The following NUDCD3 variants were observed in gnomAD, a reference collection of about 807,000 sequenced individuals.
NUDCD3 encodes the protein nudC domain-containing protein 3.
In NUDCD3, 13 loss-of-function variants were observed where a neutral mutation model predicts 39.7. The observed-to-expected ratio is 0.33, with a 90% CI of 0.21 to 0.52. The LOEUF is 0.52. Ranked by LOEUF, NUDCD3 falls within the 20% of genes least tolerant of loss-of-function variation. The pLI, the probability that NUDCD3 is intolerant of heterozygous loss-of-function variation, is 0.96. For synonymous variants in NUDCD3, 175 were observed against 172.4 expected, an observed-to-expected ratio of 1.02 and a Z score of -0.12; for missense variants, 453 against 458.1, an observed-to-expected ratio of 0.99 and a Z score of 0.10.
intron 2 of NUDCD3, among the ~76,000 whole-genome samples, chr7:44,432,252 A>G (rs1361157070): frequency 6.6e-6 from 1 of 152,216 alleles, no homozygotes; most frequent in Non-Finnish European, 1.5e-5. Flanking sequence ...ACTGCACTCC[A>G]GCCTAGATGA....
At chr7:44,415,222 C>A (rs1426953855) in intron 3 of NUDCD3, among the ~76,000 whole-genome samples, 1 of 152,188 alleles carries the variant, frequency 6.6e-6, no homozygotes, top group Non-Finnish European at 1.5e-5. Flanking sequence ...CATTCCAATT[C>A]TGTGATTCAA....
At chr7:44,443,904 T>C (rs1799641707) in intron 2 of NUDCD3, among the ~76,000 whole-genome samples, 1 of 152,178 alleles carries the variant, frequency 6.6e-6, no homozygotes, top group Admixed American at 6.5e-5. Flanking sequence ...ACCAGCCTCC[T>C]CTCATTATAC....
intron 2 of NUDCD3, among the ~76,000 whole-genome samples, chr7:44,453,295 G>A (rs1585088994): frequency 1.3e-5 from 2 of 152,276 alleles, no homozygotes; most frequent in African/African-American, 4.8e-5. Flanking sequence ...AGAGGTTGCA[G>A]TGAGCCAAGA....
At chr7:44,413,557 G>A (rs957243622) in intron 3 of NUDCD3, among the ~76,000 whole-genome samples, 4 of 152,188 alleles carry the variant, frequency 2.6e-5, no homozygotes, top group Non-Finnish European at 5.9e-5. Flanking sequence ...GTAGAAAGAT[G>A]CTCCACCTCA....
At chr7:44,430,285 C>A (rs1273240378) in intron 2 of NUDCD3, among the ~76,000 whole-genome samples, 1 of 152,180 alleles carries the variant, frequency 6.6e-6, no homozygotes, top group Non-Finnish European at 1.5e-5. Flanking sequence ...ACCCTTGGAG[C>A]AGGGTACGAA....
chr7:44,472,723 CAAAGTT>C (rs1323733472), intron 2 of NUDCD3, among the ~76,000 whole-genome samples: 1 of 152,082 alleles, frequency 6.6e-6, no homozygotes, highest in Non-Finnish European at 1.5e-5. Context: ...GAAACATATA[CAAAGTT>C]AAATCCAAGA....
chr7:44,390,014 T>C (rs897138516), intron 5 of NUDCD3, among the ~76,000 whole-genome samples: 1 of 152,138 alleles, frequency 6.6e-6, no homozygotes, highest in African/African-American at 2.4e-5. Flanking sequence ...ACATGAGGGC[T>C]CACAGATAAA....
intron 5 of NUDCD3, among the ~76,000 whole-genome samples, chr7:44,388,099 G>A (rs932709024): frequency 5.9e-5 from 9 of 152,196 alleles, no homozygotes; most frequent in African/African-American, 9.6e-5. Context: ...AACAATAAAA[G>A]TATTGTCATT....
intron 3 of NUDCD3, among the ~76,000 whole-genome samples, chr7:44,417,155 C>T (rs1360392450): frequency 6.6e-6 from 1 of 152,188 alleles, no homozygotes; most frequent in Non-Finnish European, 1.5e-5. Flanking sequence ...AAAGCACAGC[C>T]CACACGTTTA....
intron 4 of NUDCD3, among the ~76,000 whole-genome samples, chr7:44,398,510 C>T (rs1434958214): frequency 6.6e-6 from 1 of 152,182 alleles, no homozygotes; most frequent in African/African-American, 2.4e-5. Context: ...TCTAATCAGT[C>T]CATTTCTGAG....
chr7:44,391,647 T>C (rs1393085789), intron 5 of NUDCD3, among the ~76,000 whole-genome samples: 4 of 152,138 alleles, frequency 2.6e-5, no homozygotes, highest in Non-Finnish European at 5.9e-5. Context: ...ACGTGCTGGG[T>C]ATATGGGACA....
At chr7:44,431,369 G>A (rs1304195250) in intron 2 of NUDCD3, among the ~76,000 whole-genome samples, 1 of 152,214 alleles carries the variant, frequency 6.6e-6, no homozygotes, top group Admixed American at 6.5e-5. Context: ...GAAAAACACA[G>A]AACAGGCTCT....
chr7:44,456,529 G>C (rs1464960723), intron 2 of NUDCD3, among the ~76,000 whole-genome samples: 1 of 152,122 alleles, frequency 6.6e-6, no homozygotes, highest in East Asian at 1.9e-4. Context: ...AACACTTTAA[G>C]AGGCCAAGAT....
At chr7:44,414,382 TAAA>T (rs1798982749) in intron 3 of NUDCD3, among the ~76,000 whole-genome samples, 1 of 151,954 alleles carries the variant, frequency 6.6e-6, no homozygotes, top group Non-Finnish European at 1.5e-5. Flanking sequence ...GACATGGAAG[TAAA>T]AAGAGATGGG....
rs1279818032 is a variant in NUDCD3, at chr7:44,431,446, T to C, written c.510-3743A>G. 2.0e-5 allele frequency among the ~76,000 whole-genome samples: 3 copies of C among 152,182 alleles called. No individual in the cohort carries two copies. The East Asian group carries it at 5.8e-4, about 29-fold the overall frequency. ...ATAGGCCAGACCCTTCCTGGCAGACTGCAGGCCTAGGCGCTCCTGAGTGTG... is the reference window on the plus strand; with the variant it reads ...ATAGGCCAGACCCTTCCTGGCAGACCGCAGGCCTAGGCGCTCCTGAGTGTG... On this transcript the variant is annotated intron_variant, in intron 2 of 5. Coordinates refer to ENST00000355451, the MANE Select transcript of NUDCD3 (RefSeq NM_015332.4).
chr7:44,483,140 T>C (rs1361802707), intron 2 of NUDCD3, among the ~76,000 whole-genome samples: 2 of 152,092 alleles, frequency 1.3e-5, no homozygotes, highest in South Asian at 2.1e-4. Flanking sequence ...AGGACTATCA[T>C]GCATGAGTAA....
At chr7:44,415,266 C>G (rs1462143910) in intron 3 of NUDCD3, among the ~76,000 whole-genome samples, 1 of 152,186 alleles carries the variant, frequency 6.6e-6, no homozygotes, top group Non-Finnish European at 1.5e-5. Context: ...CCAGGTCTGA[C>G]ATGAGCAATC....
chr7:44,464,964 G>A (rs933197701), intron 2 of NUDCD3, among the ~76,000 whole-genome samples: 7 of 152,210 alleles, frequency 4.6e-5, no homozygotes, highest in East Asian at 1.9e-4. Flanking sequence ...GGGCCGAGCC[G>A]AGGGCAGGGC....
chr7:44,422,137 C>A (rs895189243), intron 3 of NUDCD3, among the ~76,000 whole-genome samples: 21 of 152,298 alleles, frequency 1.4e-4, no homozygotes, highest in Non-Finnish European at 2.9e-5. Context: ...ACAGCTAAAA[C>A]GGTGTTAACA....
Sources: allele counts gnomAD v4.1 joint callset (sites outside exome capture counted in the v4.1 genomes callset), GRCh38; gene constraint gnomAD v4.1.1; transcripts MANE v1.5; gene names NCBI Gene and HGNC (gene_info 2026-07-23, HGNC 2026-07-21).